CSMD1: variants seen among roughly 807,000 people sequenced by gnomAD.
The protein encoded by CSMD1 is CUB and sushi domain-containing protein 1.
A neutral mutation model predicts 417.5 loss-of-function variants in CSMD1; 213 were observed. That is an observed-to-expected ratio of 0.51 (90% CI 0.46 to 0.57). The LOEUF is 0.57. Ranked by LOEUF, CSMD1 falls within the 20% of genes least tolerant of loss-of-function variation. CSMD1 has a pLI of 0.00. For synonymous variants in CSMD1, 2,862 were observed against 1,736.8 expected (o/e 1.65, Z -16.11); for missense variants, 6,923 against 4,529.7 (o/e 1.53, Z -15.17).
intron 2 of CSMD1, among the ~76,000 whole-genome samples, chr8:4,547,268 C>T (rs1797680471): frequency 6.6e-6 from 1 of 152,164 alleles, no homozygotes; most frequent in Non-Finnish European, 1.5e-5. Flanking sequence ...TGGGTGTTGC[C>T]ATCTTTCAGA....
chr8:3,901,474 G>A (rs1024885277), intron 5 of CSMD1, among the ~76,000 whole-genome samples: 7 of 152,256 alleles, frequency 4.6e-5, no homozygotes, highest in Non-Finnish European at 8.8e-5. Flanking sequence ...CCACTTGATA[G>A]ATCTCACACA....
At chr8:4,724,013 T>C (rs1809249176) in intron 1 of CSMD1, among the ~76,000 whole-genome samples, 1 of 152,108 alleles carries the variant, frequency 6.6e-6, no homozygotes, top group Admixed American at 6.6e-5. Flanking sequence ...TGATGCTCTG[T>C]CATGACCATT....
intron 3 of CSMD1, among the ~76,000 whole-genome samples, chr8:4,269,260 T>C (rs528902352): frequency 6.6e-6 from 1 of 152,148 alleles, no homozygotes; most frequent in African/African-American, 2.4e-5. Flanking sequence ...TTTCACCATG[T>C]TGCCCAGGCT....
chr8:4,680,400 G>A (rs1295781092), intron 1 of CSMD1, among the ~76,000 whole-genome samples: 2 of 152,088 alleles, frequency 1.3e-5, no homozygotes, highest in Non-Finnish European at 2.9e-5. Context: ...TGCACTTTCT[G>A]GTGAATTTCC....
intron 1 of CSMD1, among the ~76,000 whole-genome samples, chr8:4,873,700 T>G (rs1260579841): frequency 6.6e-6 from 1 of 152,112 alleles, no homozygotes; most frequent in Non-Finnish European, 1.5e-5. Context: ...AGAGAACTAA[T>G]CAAACTAAAC....
intron 3 of CSMD1, among the ~76,000 whole-genome samples, chr8:4,369,195 T>C (rs2128911792): frequency 6.6e-6 from 1 of 152,346 alleles, no homozygotes; most frequent in Middle Eastern, 3.4e-3. Flanking sequence ...TGACTTAATT[T>C]CATTCTTTAC....
At chr8:4,482,166 G>A (rs372715614) in intron 2 of CSMD1, among the ~76,000 whole-genome samples, 4 of 152,210 alleles carry the variant, frequency 2.6e-5, no homozygotes, top group African/African-American at 7.2e-5. Flanking sequence ...TGTCATGGGG[G>A]TTTGCTGTAT....
chr8:3,838,573 C>G (rs1317341612), intron 5 of CSMD1, among the ~76,000 whole-genome samples: 3 of 137,010 alleles, frequency 2.2e-5, no homozygotes, highest in East Asian at 2.1e-4. Context: ...TATAGTCTCT[C>G]TATATATCTA....
intron 5 of CSMD1, among the ~76,000 whole-genome samples, chr8:3,978,650 C>T (rs1234153734): frequency 6.6e-6 from 1 of 152,134 alleles, no homozygotes; most frequent in Non-Finnish European, 1.5e-5. Flanking sequence ...TCTCCACCTC[C>T]TCGTGGTGAT....
intron 6 of CSMD1, among the ~76,000 whole-genome samples, chr8:3,725,677 T>C (rs1182272172): frequency 6.6e-6 from 1 of 150,464 alleles, no homozygotes; most frequent in Admixed American, 6.6e-5. Flanking sequence ...CGGTCTCAGA[T>C]GTGGCAGGGG....
chr8:3,397,551 G>A lies in CSMD1; in HGVS notation c.2406-1170C>T, dbSNP rs1360352296. On this transcript the variant is annotated intron_variant, in intron 16 of 69. Coordinates refer to ENST00000635120, the MANE Select transcript of CSMD1 (RefSeq NM_033225.6). ...ACATCTGGACCAGAATAAGGCCACA[G>A]GCTGCCACATTTGGGATTGCATAGT... 3.9e-5 allele frequency among the ~76,000 whole-genome samples: 6 copies of A among 152,298 alleles called. No individual in the cohort carries two copies. In the South Asian group the frequency reaches 1.2e-3, roughly 32 times the overall value.
At chr8:4,678,763 G>C (rs765202303) in intron 1 of CSMD1, among the ~76,000 whole-genome samples, 2 of 152,146 alleles carry the variant, frequency 1.3e-5, no homozygotes, top group African/African-American at 2.4e-5. Flanking sequence ...CTACAGGAAA[G>C]TTGTCTCTCG....
At chr8:3,925,389 A>G (rs1809580405) in intron 5 of CSMD1, among the ~76,000 whole-genome samples, 1 of 152,202 alleles carries the variant, frequency 6.6e-6, no homozygotes, top group Admixed American at 6.5e-5. Context: ...TATTAAGTGT[A>G]CTTTAAAATA....
intron 1 of CSMD1, among the ~76,000 whole-genome samples, chr8:4,806,493 C>G (rs575547724): frequency 6.6e-6 from 1 of 152,336 alleles, no homozygotes; most frequent in African/African-American, 2.4e-5. Context: ...ATTTAGTTTA[C>G]ATTGCATTCA....
At chr8:3,242,876 G>C (rs909606573) in intron 26 of CSMD1, among the ~76,000 whole-genome samples, 2 of 151,980 alleles carry the variant, frequency 1.3e-5, no homozygotes, top group African/African-American at 4.8e-5. Context: ...GGGGTACAGA[G>C]ATAAGAGGTT....
chr8:3,097,508 G>T (rs1183258233), intron 46 of CSMD1, among the ~76,000 whole-genome samples: 1 of 152,156 alleles, frequency 6.6e-6, no homozygotes, highest in Non-Finnish European at 1.5e-5. Context: ...GATGCCTGAT[G>T]CTGCAGATGG....
intron 3 of CSMD1, among the ~76,000 whole-genome samples, chr8:4,044,301 T>A (rs1013182079): frequency 6.6e-6 from 1 of 152,228 alleles, no homozygotes; most frequent in Non-Finnish European, 1.5e-5. Context: ...AGAGAAATCA[T>A]CTCTGAAAAT....
At chr8:3,315,503 C>G (rs952900035) in intron 23 of CSMD1, among the ~76,000 whole-genome samples, 3 of 150,228 alleles carry the variant, frequency 2.0e-5, no homozygotes, top group Non-Finnish European at 4.4e-5. Context: ...GTTTTTTAAG[C>G]TACAGATGCT....
At chr8:3,853,904 T>A (rs138691768) in intron 5 of CSMD1, among the ~76,000 whole-genome samples, 5,592 of 146,134 alleles carry the variant, frequency 0.038, 402 homozygotes, top group African/African-American at 0.13. Flanking sequence ...CTTTAATATA[T>A]TAATACATTA....
Sources: allele counts gnomAD v4.1 joint callset (sites outside exome capture counted in the v4.1 genomes callset), GRCh38; gene constraint gnomAD v4.1.1; transcripts MANE v1.5; gene names NCBI Gene and HGNC (gene_info 2026-07-23, HGNC 2026-07-21).